SNX9: variants seen among roughly 807,000 people sequenced by gnomAD.
The protein encoded by SNX9 is sorting nexin 9.
SNX9 carries 44 observed loss-of-function variants against 89.4 expected under a neutral mutation model. The observed-to-expected ratio is 0.49, with a 90% CI of 0.39 to 0.63. SNX9 has a LOEUF of 0.63. Among genes scored for constraint, SNX9 ranks in the 30% least tolerant of loss-of-function variants. SNX9 has a pLI of 0.00. For synonymous variants in SNX9, 236 were observed against 247.8 expected (o/e 0.95, Z 0.45); for missense variants, 578 against 736.1 (o/e 0.79, Z 2.49).
At chr6:157,884,703 T>C (rs1401910080) in intron 4 of SNX9, among the ~76,000 whole-genome samples, 1 of 152,180 alleles carries the variant, frequency 6.6e-6, no homozygotes, top group Admixed American at 6.5e-5. Flanking sequence ...TGCATGAGGC[T>C]GTCATTACTA....
At chr6:157,930,538 T>C (rs9346968) in intron 12 of SNX9, among the ~76,000 whole-genome samples, 35,205 of 152,070 alleles carry the variant, frequency 0.23, 4,246 homozygotes, top group African/African-American at 0.28. Flanking sequence ...TATCTACAGG[T>C]GCTCCCCATC....
chr6:157,910,458 G>A (rs1157261640), intron 9 of SNX9, among the ~76,000 whole-genome samples: 1 of 152,208 alleles, frequency 6.6e-6, no homozygotes, highest in Non-Finnish European at 1.5e-5. Flanking sequence ...AGATGAGTGA[G>A]CACTGGACAG....
At chr6:157,913,301 T>TTTTA (rs148649639) in intron 9 of SNX9, among the ~76,000 whole-genome samples, 6,816 of 151,460 alleles carry the variant, frequency 0.045, 193 homozygotes, top group East Asian at 0.11. Flanking sequence ...TCTATCTATA[T>TTTTA]TTTATTTATT....
At chr6:157,932,811 G>T (rs1054386452) in intron 13 of SNX9, among the ~76,000 whole-genome samples, 1 of 140,298 alleles carries the variant, frequency 7.1e-6, no homozygotes, top group African/African-American at 2.7e-5. Context: ...AGGTTGCACT[G>T]AGCCATGATC....
At chr6:157,873,222 G>C (rs774506174) in intron 3 of SNX9, 46 bp downstream of exon 3, 3 of 1,447,046 alleles carry the variant, frequency 2.1e-6, no homozygotes, top group Non-Finnish European at 1.8e-6. Context: ...TCTTTGCCAG[G>C]CATCTTTTTA....
At chr6:157,927,068 G>T (rs1783708552) in intron 10 of SNX9, 43 bp from the exon 11 acceptor site, 1 of 1,483,678 alleles carries the variant, frequency 6.7e-7, no homozygotes, top group South Asian at 1.1e-5. Context: ...AGACCAGTTT[G>T]ACTGTGCTCT....
At chr6:157,845,444 A>T in intron 1 of SNX9, among the ~76,000 whole-genome samples, 1 of 152,106 alleles carries the variant, frequency 6.6e-6, no homozygotes, top group Non-Finnish European at 1.5e-5. Flanking sequence ...ACTTACACTT[A>T]TTTTGACAGT....
intron 13 of SNX9, among the ~76,000 whole-genome samples, chr6:157,935,033 TA>T (rs1215462328): frequency 1.3e-5 from 2 of 152,268 alleles, no homozygotes; most frequent in African/African-American, 4.8e-5. Flanking sequence ...CAAATATTTT[TA>T]AATCCAGAAT....
intron 4 of SNX9, among the ~76,000 whole-genome samples, chr6:157,881,642 G>T (rs2115148183): frequency 6.6e-6 from 1 of 152,164 alleles, no homozygotes; most frequent in East Asian, 1.9e-4. Flanking sequence ...ACACTTGAAT[G>T]ATAAGAAAGT....
intron 1 of SNX9, among the ~76,000 whole-genome samples, chr6:157,835,571 C>T (rs909306370): frequency 1.3e-5 from 2 of 151,986 alleles, no homozygotes; most frequent in Admixed American, 6.6e-5. Context: ...TTCGTGTCCC[C>T]ACCCAAATCT....
chr6:157,923,948 A>C (rs1338665128), intron 10 of SNX9, among the ~76,000 whole-genome samples: 1 of 152,194 alleles, frequency 6.6e-6, no homozygotes, highest in Non-Finnish European at 1.5e-5. Flanking sequence ...TATGTTTTTA[A>C]AACATGTCCC....
intron 6 of SNX9, 91 bp from the exon 7 acceptor site, chr6:157,906,037 A>G: frequency 2.9e-6 from 3 of 1,039,310 alleles, no homozygotes; most frequent in Non-Finnish European, 4.3e-6. Context: ...AGACAGGACA[A>G]GGTTAAAACT....
At chr6:157,879,962 G>C (rs1782591359) in intron 4 of SNX9, among the ~76,000 whole-genome samples, 2 of 152,200 alleles carry the variant, frequency 1.3e-5, no homozygotes, top group South Asian at 4.1e-4. Context: ...TTTTCTACTT[G>C]AGAGGTTTGT....
intron 1 of SNX9, among the ~76,000 whole-genome samples, chr6:157,831,558 C>T (rs1221357056): frequency 6.6e-6 from 1 of 152,156 alleles, no homozygotes; most frequent in Non-Finnish European, 1.5e-5. Flanking sequence ...ATACAGGACA[C>T]TTTGTGTGTT....
intron 9 of SNX9, among the ~76,000 whole-genome samples, chr6:157,919,555 CT>C (rs1783541737): frequency 6.6e-6 from 1 of 151,930 alleles, no homozygotes; most frequent in East Asian, 1.9e-4. Context: ...CCATGTGATT[CT>C]TTTTTGGTAA....
chr6:157,826,738 T>A (rs1018789734), intron 1 of SNX9, among the ~76,000 whole-genome samples: 1 of 124,570 alleles, frequency 8.0e-6, no homozygotes, highest in South Asian at 2.1e-4. Flanking sequence ...AAATATAACC[T>A]ATTTATATTA....
intron 4 of SNX9, among the ~76,000 whole-genome samples, chr6:157,890,033 T>C (rs1273735231): frequency 6.6e-6 from 1 of 152,222 alleles, no homozygotes; most frequent in Non-Finnish European, 1.5e-5. Flanking sequence ...GTGATAAAGC[T>C]GGGATTCAAA....
intron 3 of SNX9, among the ~76,000 whole-genome samples, chr6:157,873,773 C>T (rs1782465866): frequency 6.6e-6 from 1 of 152,034 alleles, no homozygotes; most frequent in Admixed American, 6.5e-5. Context: ...AGTTCCTTCT[C>T]CCATTCCCAT....
chr6:157,894,361 C>T (rs796460452), intron 4 of SNX9, among the ~76,000 whole-genome samples: 45 of 150,400 alleles, frequency 3.0e-4, no homozygotes, highest in African/African-American at 1.0e-3. Context: ...CCTCCCGCCT[C>T]GGCCTCCGAA....
Sources: gnomAD v4.1 joint callset for allele counts (sites outside exome capture counted in the v4.1 genomes callset) on GRCh38, gnomAD v4.1.1 for gene constraint, MANE v1.5 for transcripts, NCBI Gene and HGNC (gene_info 2026-07-23, HGNC 2026-07-21) for gene names.